DDX19A: variants seen among roughly 807,000 people sequenced by gnomAD.
DDX19A encodes the protein ATP-dependent RNA helicase DDX19A.
Under a neutral mutation model 60.6 loss-of-function variants are expected in DDX19A, and 12 were observed. The observed-to-expected ratio is 0.20, with a 90% confidence interval of 0.13 to 0.32. DDX19A has a LOEUF of 0.32. DDX19A is among the 10% of genes least tolerant of loss of function. DDX19A has a pLI of 1.00. For synonymous variants in DDX19A, 206 were observed against 218.2 expected, an observed-to-expected ratio of 0.94 and a Z score of 0.49; for missense variants, 337 against 600.6, an observed-to-expected ratio of 0.56 and a Z score of 4.59.
In DDX19A at chr16:70,366,060, A is replaced by C. The variant is rs765996376; in HGVS notation, c.605-25A>C. 1.1e-5 allele frequency: 18 copies of C among 1,614,022 alleles called. No individual in the cohort carries two copies. In the South Asian group the frequency reaches 1.9e-4, roughly 17 times the overall value. On this transcript the variant is annotated intron_variant, in intron 7 of 11. Transcript: ENST00000302243. ...AGCTGGCTTTGCCTTTGAAATACCT[A>C]TGAAAATCACCTGGGTCTCCACAGT... is the stretch of plus-strand genomic sequence containing the variant.
At chr16:70,368,285 T>C (rs1964579368) in intron 9 of DDX19A, among the ~76,000 whole-genome samples, 1 of 152,170 alleles carries the variant, frequency 6.6e-6, no homozygotes, top group Admixed American at 6.6e-5. Flanking sequence ...CTTTTTTTTT[T>C]TGAGACCGAG....
intron 1 of DDX19A, among the ~76,000 whole-genome samples, chr16:70,349,187 A>G (rs1480920852): frequency 6.6e-6 from 1 of 152,206 alleles, no homozygotes; most frequent in East Asian, 1.9e-4. Context: ...GAAACCAGGC[A>G]AACTTCCAAG....
chr16:70,352,863 C>G (rs1964065934), intron 2 of DDX19A, among the ~76,000 whole-genome samples: 1 of 151,642 alleles, frequency 6.6e-6, no homozygotes, highest in Non-Finnish European at 1.5e-5. Context: ...GTCTCGAACT[C>G]CTGACCTCAG....
At chr16:70,371,057 G>T (rs1964670290) in intron 10 of DDX19A, 1 of 489,766 alleles carries the variant, frequency 2.0e-6, no homozygotes, top group Admixed American at 3.6e-5. Flanking sequence ...CTGACTTGGT[G>T]GAAGGAAATG....
intron 4 of DDX19A, among the ~76,000 whole-genome samples, chr16:70,360,539 AC>A (rs1241897808): frequency 6.6e-6 from 1 of 151,834 alleles, no homozygotes; most frequent in Admixed American, 6.6e-5. Context: ...ACAGGGTCTC[AC>A]TGTGTTGCCC....
At chr16:70,352,173 TTCTC>T (rs1270179236) in intron 2 of DDX19A, among the ~76,000 whole-genome samples, 2 of 151,478 alleles carry the variant, frequency 1.3e-5, no homozygotes, top group African/African-American at 4.9e-5. Flanking sequence ...GATTCTCATA[TTCTC>T]TCTCTCAACC....
At chr16:70,355,568 G>T in intron 3 of DDX19A, 33 bp downstream of exon 3, 2 of 1,596,164 alleles carry the variant, frequency 1.3e-6, no homozygotes, top group Non-Finnish European at 1.7e-6. Flanking sequence ...GGCAAGAGAC[G>T]GTATGACCCA....
rs1163431591 is a variant in DDX19A at position 70,357,258 on chromosome 16, CA to C, written c.293+1024del. 8.5e-3 allele frequency among the ~76,000 whole-genome samples: 550 copies of C among 64,870 alleles called. 1 individual carries two copies. The highest frequency in any genetic ancestry group is 0.014 in the African/African-American group (141 of 9,806). 42.6% of individuals were successfully genotyped at this position (64,870 alleles called of 152,430 possible). A position where few individuals can be genotyped will look rare whatever the true frequency, so the allele number is the denominator to read the frequency against. ...TGGGCAACAGAGCGAGACTCTCTCT[CA>C]AAAAAAAAAAAATATATATATATAT... On this transcript the variant is annotated intron_variant, in intron 4 of 11. Transcript: ENST00000302243.
intron 4 of DDX19A, among the ~76,000 whole-genome samples, chr16:70,359,483 A>G (rs1442755508): frequency 2.6e-5 from 4 of 152,150 alleles, no homozygotes; most frequent in African/African-American, 4.8e-5. Flanking sequence ...CATCTTGTCA[A>G]TTTAGAGGTA....
intron 9 of DDX19A, among the ~76,000 whole-genome samples, chr16:70,367,784 A>T (rs8063690): frequency 0.34 from 52,150 of 151,770 alleles, 10,208 homozygotes; most frequent in East Asian, 0.43. Flanking sequence ...GGCTGAGGCA[A>T]CAGAATCACT....
At position 70,357,366 on chromosome 16, in the gene DDX19A, G is replaced by GTTTTTTTTTTTTTTTTTT. The variant is rs71151183; in HGVS notation, c.293+1138_293+1155dup. 6.7e-4 allele frequency among the ~76,000 whole-genome samples: 30 copies of GTTTTTTTTTTTTTTTTTT among 44,580 alleles called. 13 individuals carry two copies. The highest frequency in any genetic ancestry group is 2.0e-3 in the South Asian group (2 of 1,014). 29.2% of individuals were successfully genotyped at this position (44,580 alleles called of 152,430 possible). ...AATCTGTCAAATCTGTTTTTGGTTT[G>GTTTTTTTTTTTTTTTTTT]TTTTTTTTTTTTTTTTTTTTTTTTT... On this transcript the variant is annotated intron_variant, in intron 4 of 11. Transcript: ENST00000302243.
At chr16:70,364,767 A>G (rs1022445689) in intron 6 of DDX19A, 122 bp downstream of exon 6, 12 of 771,966 alleles carry the variant, frequency 1.6e-5, no homozygotes, top group Middle Eastern at 3.0e-4. Flanking sequence ...AGGCAGAGCA[A>G]GTTCCTACAC....
intron 1 of DDX19A, among the ~76,000 whole-genome samples, chr16:70,348,626 CAAAAAAA>C (rs1244983371): frequency 1.4e-4 from 5 of 34,894 alleles, no homozygotes; most frequent in East Asian, 7.3e-4. Context: ...GACTCTGTCT[CAAAAAAA>C]AAAAAAAAAA....
rs535850938 is a variant in DDX19A, at chr16:70,368,422, G to A, written c.1020+1561G>A. 5.9e-5 allele frequency among the ~76,000 whole-genome samples: 9 copies of A among 151,824 alleles called. No homozygotes were observed. The South Asian group carries it at 8.3e-4, about 14-fold the overall frequency. On this transcript the variant is annotated intron_variant, in intron 9 of 11. Coordinates refer to ENST00000302243, the MANE Select transcript of DDX19A (RefSeq NM_018332.5). Reference sequence around the variant, plus strand: ...AGAGTAGCTGGGATTACCAGCGCCCGCCATCATGCCCAGCTAATTTTTGTA... The same window carrying A: ...AGAGTAGCTGGGATTACCAGCGCCCACCATCATGCCCAGCTAATTTTTGTA...
intron 1 of DDX19A, among the ~76,000 whole-genome samples, chr16:70,349,401 T>A (rs1183616322): frequency 1.3e-5 from 2 of 152,190 alleles, no homozygotes; most frequent in Non-Finnish European, 2.9e-5. Flanking sequence ...ATAAATTACA[T>A]GCAACTGTTT....
intron 1 of DDX19A, 186 bp downstream of exon 1, chr16:70,347,234 A>T: frequency 1.6e-6 from 1 of 617,032 alleles, no homozygotes; most frequent in South Asian, 1.9e-5. Context: ...TTTTATCTCC[A>T]TCTGGGCTGG....
At chr16:70,347,407 A>T (rs946184094) in intron 1 of DDX19A, 1 of 268,608 alleles carries the variant, frequency 3.7e-6, no homozygotes, top group Non-Finnish European at 7.2e-6. Flanking sequence ...TGTATTTAAC[A>T]TTTCTTAGAT....
At chr16:70,357,361 GGTTTGTTTTTTTTT>G (rs1964233453) in intron 4 of DDX19A, among the ~76,000 whole-genome samples, 1 of 75,556 alleles carries the variant, frequency 1.3e-5, no homozygotes, top group African/African-American at 5.3e-5. Context: ...ATCTGTTTTT[GGTTTGTTTTTTTTT>G]TTTTTTTTTT....
intron 4 of DDX19A, among the ~76,000 whole-genome samples, chr16:70,357,208 A>C (rs1460265126): frequency 2.7e-5 from 4 of 149,046 alleles, no homozygotes; most frequent in African/African-American, 4.9e-5. Context: ...GCAGTAAGCC[A>C]AGTTCGTGCC....
Sources: gnomAD v4.1 joint callset for allele counts (sites outside exome capture counted in the v4.1 genomes callset) on GRCh38, gnomAD v4.1.1 for gene constraint, MANE v1.5 for transcripts, NCBI Gene and HGNC (gene_info 2026-07-23, HGNC 2026-07-21) for gene names.